The following PCDH15 variants were observed in gnomAD, a reference collection of about 807,000 sequenced individuals.
The protein encoded by PCDH15 is protocadherin-15.
PCDH15 carries 129 observed loss-of-function variants against 178.5 expected under a neutral mutation model. The observed-to-expected ratio is 0.72, with a 90% CI of 0.63 to 0.84. The LOEUF (loss-of-function observed/expected upper bound fraction) is 0.84, where lower values mean the gene tolerates loss of function less well. PCDH15 is among the 40% of genes least tolerant of loss of function. The pLI is 0.00. For synonymous variants in PCDH15, 800 were observed against 732.0 expected (o/e 1.09, Z -1.50); for missense variants, 2,230 against 2,099.9 (o/e 1.06, Z -1.21).
chr10:54,152,664 G>A (rs1008716601), intron 14 of PCDH15, among the ~76,000 whole-genome samples: 2 of 151,840 alleles, frequency 1.3e-5, no homozygotes, highest in African/African-American at 4.8e-5. Context: ...AATTGTAATA[G>A]CAGGAAATCT....
At chr10:54,041,344 A>G (rs1476375843) in intron 18 of PCDH15, among the ~76,000 whole-genome samples, 1 of 152,126 alleles carries the variant, frequency 6.6e-6, no homozygotes, top group Non-Finnish European at 1.5e-5. Context: ...ACATGTTTTC[A>G]TCCATCAATT....
intron 15 of PCDH15, among the ~76,000 whole-genome samples, chr10:54,102,168 A>G (rs2094825038): frequency 6.6e-6 from 1 of 152,184 alleles, no homozygotes; most frequent in Non-Finnish European, 1.5e-5. Context: ...CCAAAAACCT[A>G]TTCAGCACAG....
chr10:54,312,460 T>A (rs1292902985), intron 8 of PCDH15, among the ~76,000 whole-genome samples: 2 of 152,108 alleles, frequency 1.3e-5, no homozygotes, highest in African/African-American at 4.8e-5. Flanking sequence ...TGGAGTATGT[T>A]TCTACCCCTT....
At chr10:55,384,779 T>G (rs1351649157) in intron 2 of PCDH15, among the ~76,000 whole-genome samples, 3 of 152,144 alleles carry the variant, frequency 2.0e-5, no homozygotes, top group Non-Finnish European at 2.9e-5. Context: ...GGACGTCAGA[T>G]TTTGGAATTC....
At chr10:54,052,478 T>G (rs969930184) in intron 18 of PCDH15, among the ~76,000 whole-genome samples, 1 of 152,218 alleles carries the variant, frequency 6.6e-6, no homozygotes, top group Non-Finnish European at 1.5e-5. Flanking sequence ...GGACTTGCAT[T>G]GGGCCTTTAG....
chr10:54,843,542 A>T (rs1190444947), intron 3 of PCDH15, among the ~76,000 whole-genome samples: 1 of 151,984 alleles, frequency 6.6e-6, no homozygotes, highest in Non-Finnish European at 1.5e-5. Flanking sequence ...ACATAACTCA[A>T]ATTGAAGATT....
intron 2 of PCDH15, among the ~76,000 whole-genome samples, chr10:54,591,562 G>A (rs1590328170): frequency 6.6e-6 from 1 of 152,208 alleles, no homozygotes; most frequent in East Asian, 1.9e-4. Context: ...AGAAGTATAA[G>A]ATATTACATT....
chr10:54,836,090 T>G (rs1368510399), intron 3 of PCDH15, among the ~76,000 whole-genome samples: 1 of 152,214 alleles, frequency 6.6e-6, no homozygotes, highest in Non-Finnish European at 1.5e-5. Context: ...ATTCTCACTT[T>G]GCAGAAATAA....
intron 2 of PCDH15, among the ~76,000 whole-genome samples, chr10:55,367,899 A>T (rs1845407296): frequency 6.6e-6 from 1 of 152,120 alleles, no homozygotes; most frequent in South Asian, 2.1e-4. Context: ...ATTTTTTAAC[A>T]CTGTTTATCT....
chr10:55,218,310 TG>T (rs1402348631), intron 1 of PCDH15, among the ~76,000 whole-genome samples: 1 of 151,906 alleles, frequency 6.6e-6, no homozygotes, highest in Non-Finnish European at 1.5e-5. Context: ...TGGAGTACAT[TG>T]TATATTAAAT....
At chr10:55,175,827 T>C (rs1839470119) in intron 1 of PCDH15, among the ~76,000 whole-genome samples, 1 of 151,986 alleles carries the variant, frequency 6.6e-6, no homozygotes, top group African/African-American at 2.4e-5. Flanking sequence ...GGCTACATTG[T>C]AGGTTTGCAA....
intron 8 of PCDH15, among the ~76,000 whole-genome samples, chr10:54,272,045 A>ATATCATATATATATATTT (rs2058083945): frequency 6.8e-6 from 1 of 147,432 alleles, no homozygotes; most frequent in East Asian, 2.0e-4. Flanking sequence ...TATTATATAT[A>ATATCATATATATATATTT]TATATAAAAC....
intron 6 of PCDH15, among the ~76,000 whole-genome samples, chr10:54,340,126 T>G (rs1467949903): frequency 6.6e-6 from 1 of 152,322 alleles, no homozygotes; most frequent in Admixed American, 6.5e-5. Context: ...AGAAGATATT[T>G]ACTAAATTAT....
At chr10:54,136,856 G>A (rs954695511) in intron 14 of PCDH15, among the ~76,000 whole-genome samples, 2 of 152,094 alleles carry the variant, frequency 1.3e-5, no homozygotes, top group African/African-American at 4.8e-5. Flanking sequence ...AGCTAGAATT[G>A]CTAATTGTGT....
At chr10:54,643,966 C>A (rs1487792865) in intron 2 of PCDH15, among the ~76,000 whole-genome samples, 2 of 90,016 alleles carry the variant, frequency 2.2e-5, no homozygotes, top group Admixed American at 1.3e-4. Flanking sequence ...TAACCCTCCC[C>A]CCTCCCCCCA....
chr10:54,898,691 T>C (rs1954588402), intron 2 of PCDH15, among the ~76,000 whole-genome samples: 1 of 152,144 alleles, frequency 6.6e-6, no homozygotes, highest in South Asian at 2.1e-4. Flanking sequence ...TGAGGCAGAC[T>C]CCTATGAAAG....
At chr10:53,834,016 A>G (rs1414458636) in intron 29 of PCDH15, among the ~76,000 whole-genome samples, 2 of 152,190 alleles carry the variant, frequency 1.3e-5, no homozygotes, top group Non-Finnish European at 2.9e-5. Context: ...ACAATTATAG[A>G]ACTATAGTGT....
At chr10:55,125,915 G>A (rs1837887402) in intron 2 of PCDH15, among the ~76,000 whole-genome samples, 1 of 152,002 alleles carries the variant, frequency 6.6e-6, no homozygotes, top group African/African-American at 2.4e-5. Context: ...TCAGAATATT[G>A]GCTAAACGGT....
At chr10:54,057,976 C>T (rs1296526910) in intron 18 of PCDH15, among the ~76,000 whole-genome samples, 1 of 152,164 alleles carries the variant, frequency 6.6e-6, no homozygotes, top group African/African-American at 2.4e-5. Flanking sequence ...TCATCTCCAT[C>T]TAAGATCACC....
Sources: gnomAD v4.1 joint callset for allele counts (sites outside exome capture counted in the v4.1 genomes callset) on GRCh38, gnomAD v4.1.1 for gene constraint, MANE v1.5 for transcripts, NCBI Gene and HGNC (gene_info 2026-07-23, HGNC 2026-07-21) for gene names.